The following MALRD1 variants were observed in gnomAD, a reference collection of about 807,000 sequenced individuals.
The protein encoded by MALRD1 is MAM and LDL receptor class A domain containing 1, also known as MAM and LDL-receptor class A domain-containing protein 1.
MALRD1 carries 247 observed loss-of-function variants against 242.1 expected under a neutral mutation model. The ratio of observed to expected loss-of-function variants is 1.02; its 90% CI spans 0.92 to 1.13. The LOEUF (loss-of-function observed/expected upper bound fraction) is 1.13, where lower values mean the gene tolerates loss of function less well. MALRD1 is among the 50% of genes most tolerant of loss of function. The pLI, the probability that MALRD1 is intolerant of heterozygous loss-of-function variation, is 0.00. For missense variants in MALRD1, 2,989 were observed against 2,533.1 expected, an observed-to-expected ratio of 1.18 and a Z score of -3.86; for synonymous variants, 995 against 866.6, an observed-to-expected ratio of 1.15 and a Z score of -2.60.
chr10:19,341,232 A>G (rs1843835760), intron 24 of MALRD1, among the ~76,000 whole-genome samples: 1 of 151,806 alleles, frequency 6.6e-6, no homozygotes, highest in African/African-American at 2.4e-5. Flanking sequence ...GCCTACTAAT[A>G]TAACTTATTG....
At chr10:19,609,957 T>G (rs1838819487) in intron 35 of MALRD1, among the ~76,000 whole-genome samples, 1 of 151,498 alleles carries the variant, frequency 6.6e-6, no homozygotes, top group African/African-American at 2.4e-5. Context: ...TGGTGGTGAT[T>G]ATGATGATGA....
chr10:19,687,498 G>A (rs569668329), intron 36 of MALRD1, among the ~76,000 whole-genome samples: 3 of 152,044 alleles, frequency 2.0e-5, no homozygotes, highest in Non-Finnish European at 4.4e-5. Flanking sequence ...TCTCTGGTTG[G>A]TGTCAGCCTA....
At chr10:19,095,881 C>T (rs1037550325) in intron 4 of MALRD1, among the ~76,000 whole-genome samples, 2 of 152,170 alleles carry the variant, frequency 1.3e-5, no homozygotes, top group Non-Finnish European at 2.9e-5. Context: ...GATTGAGTCA[C>T]ATTGAGTAGA....
At chr10:19,229,796 A>G (rs1207735679) in intron 18 of MALRD1, among the ~76,000 whole-genome samples, 1 of 147,868 alleles carries the variant, frequency 6.8e-6, no homozygotes, top group Admixed American at 6.6e-5. Flanking sequence ...TGCTGTTCCC[A>G]GAGTTTTTTG....
chr10:19,172,254 A>G (rs1031091877), intron 13 of MALRD1, among the ~76,000 whole-genome samples: 4 of 150,028 alleles, frequency 2.7e-5, no homozygotes, highest in Non-Finnish European at 5.9e-5. Flanking sequence ...GCAATAAAAA[A>G]TAGGAACAGC....
chr10:19,143,849 G>T (rs1239567418), intron 10 of MALRD1, among the ~76,000 whole-genome samples: 1 of 152,184 alleles, frequency 6.6e-6, no homozygotes, highest in East Asian at 1.9e-4. Context: ...ACAGAGAACC[G>T]AGGGATTAGA....
chr10:19,611,823 T>G (rs1838912979), intron 35 of MALRD1, among the ~76,000 whole-genome samples: 1 of 152,066 alleles, frequency 6.6e-6, no homozygotes, highest in South Asian at 2.1e-4. Flanking sequence ...AGTAGAAACT[T>G]ATAAAATCTT....
At chr10:19,415,270 T>G (rs936359085) in intron 28 of MALRD1, among the ~76,000 whole-genome samples, 1 of 152,192 alleles carries the variant, frequency 6.6e-6, no homozygotes, top group African/African-American at 2.4e-5. Flanking sequence ...TATTTGGGCG[T>G]TGACCATACC....
At chr10:19,434,549 A>C (rs1481237648) in intron 28 of MALRD1, among the ~76,000 whole-genome samples, 2 of 151,912 alleles carry the variant, frequency 1.3e-5, no homozygotes, top group African/African-American at 4.8e-5. Context: ...ATTTTTTCCA[A>C]ATTTTAATAT....
rs1046462780 is a variant in MALRD1, at chr10:19,653,783, T to A, written c.6137+37860T>A. Among the ~76,000 whole-genome samples the A allele has an allele frequency of 2.2e-4, 34 of 152,244 alleles. 1 individual carries two copies. Among genetic ancestry groups the A allele is most frequent in the African/African-American group, 7.5e-4 (31 of 41,542 alleles). On this transcript the variant is annotated intron_variant, in intron 36 of 39. Coordinates refer to ENST00000454679, the MANE Select transcript of MALRD1 (RefSeq NM_001142308.3). ...AATTTCAGAGTAATATCAAAGTTATTCTTTGGTGGTCCATGGTGATCCATT... is the reference window on the plus strand; with the variant it reads ...AATTTCAGAGTAATATCAAAGTTATACTTTGGTGGTCCATGGTGATCCATT...
At chr10:19,205,972 G>C (rs1217464695) in intron 17 of MALRD1, among the ~76,000 whole-genome samples, 1 of 147,908 alleles carries the variant, frequency 6.8e-6, no homozygotes, top group African/African-American at 2.5e-5. Context: ...ATCTTTCCTT[G>C]GACTCAGATT....
intron 34 of MALRD1, among the ~76,000 whole-genome samples, chr10:19,596,617 G>C (rs1273568309): frequency 1.3e-5 from 2 of 152,034 alleles, no homozygotes; most frequent in African/African-American, 4.8e-5. Flanking sequence ...TGTAGTTCCA[G>C]CTCCTCTGGA....
intron 28 of MALRD1, 106 bp from the exon 29 acceptor site, chr10:19,450,201 T>A: frequency 1.0e-6 from 1 of 988,034 alleles, no homozygotes; most frequent in Non-Finnish European, 1.4e-6. Context: ...TTTTTCAGTT[T>A]TTATTGGTCA....
At chr10:19,264,488 C>G (rs1396229014) in intron 19 of MALRD1, among the ~76,000 whole-genome samples, 2 of 140,688 alleles carry the variant, frequency 1.4e-5, no homozygotes, top group East Asian at 4.2e-4. Flanking sequence ...GAGTCTTGCT[C>G]TGTCGCCCAG....
chr10:19,157,272 CT>C (rs34652493), intron 12 of MALRD1, among the ~76,000 whole-genome samples: 7,173 of 137,610 alleles, frequency 0.052, 550 homozygotes, highest in African/African-American at 0.18. Context: ...TCTTTCTTTC[CT>C]TTTTTTTTTT....
intron 19 of MALRD1, among the ~76,000 whole-genome samples, chr10:19,258,941 T>A (rs922317101): frequency 1.3e-5 from 2 of 152,086 alleles, no homozygotes; most frequent in Non-Finnish European, 2.9e-5. Context: ...CAAATCTGGT[T>A]TATATTAACA....
chr10:19,576,577 C>T (rs1836837226), intron 33 of MALRD1, among the ~76,000 whole-genome samples: 1 of 152,172 alleles, frequency 6.6e-6, no homozygotes, highest in Non-Finnish European at 1.5e-5. Flanking sequence ...TAATTGCCTA[C>T]TAAATAAGTT....
chr10:19,080,957 C>A (rs1216008148), intron 2 of MALRD1, among the ~76,000 whole-genome samples: 1 of 151,912 alleles, frequency 6.6e-6, no homozygotes, highest in Non-Finnish European at 1.5e-5. Context: ...GGGCAAAGGA[C>A]ATGAACAGAC....
In MALRD1 at chr10:19,217,016, T is replaced by A. The variant is rs75636549; in HGVS notation, c.2991+7336T>A. ...GGAGAGGCCAAACCAATGGCTCTTATATACACGTTCTTTCTTCTAAATGAT... is the reference window on the plus strand; with the variant it reads ...GGAGAGGCCAAACCAATGGCTCTTAAATACACGTTCTTTCTTCTAAATGAT... On this transcript the variant is annotated intron_variant, in intron 18 of 39. Coordinates refer to ENST00000454679, the MANE Select transcript of MALRD1 (RefSeq NM_001142308.3). 5.6e-3 allele frequency among the ~76,000 whole-genome samples: 856 copies of A among 152,130 alleles called. 15 individuals carry two copies. Among genetic ancestry groups the A allele is most frequent in the African/African-American group, 0.02 (823 of 41,506 alleles).
Sources: allele counts gnomAD v4.1 joint callset (sites outside exome capture counted in the v4.1 genomes callset), GRCh38; gene constraint gnomAD v4.1.1; transcripts MANE v1.5; gene names NCBI Gene and HGNC (gene_info 2026-07-23, HGNC 2026-07-21).